GABBR2: variants seen among roughly 807,000 people sequenced by gnomAD.
GABBR2 encodes the protein G-protein coupled receptor 51.
GABBR2 carries 23 observed loss-of-function variants against 105.6 expected under a neutral mutation model. The ratio of observed to expected loss-of-function variants is 0.22; its 90% CI spans 0.16 to 0.31. GABBR2 has a LOEUF of 0.31. Among genes scored for constraint, GABBR2 ranks in the 10% least tolerant of loss-of-function variants. The pLI is 1.00. For synonymous variants in GABBR2, 478 were observed against 499.7 expected (o/e 0.96, Z 0.58); for missense variants, 734 against 1,245.5 (o/e 0.59, Z 6.18).
At chr9:98,529,880 T>A (rs1657931696) in intron 3 of GABBR2, among the ~76,000 whole-genome samples, 1 of 152,188 alleles carries the variant, frequency 6.6e-6, no homozygotes, top group African/African-American at 2.4e-5. Flanking sequence ...ATCTTCGCCA[T>A]CCTTCTTGCC....
intron 13 of GABBR2, among the ~76,000 whole-genome samples, chr9:98,316,399 G>C (rs755383260): frequency 1.3e-5 from 2 of 152,214 alleles, no homozygotes; most frequent in African/African-American, 4.8e-5. Flanking sequence ...TGGTCTGCCT[G>C]CCTCAGCCTC....
chr9:98,431,088 C>G (rs1825800336), intron 7 of GABBR2, among the ~76,000 whole-genome samples: 1 of 152,006 alleles, frequency 6.6e-6, no homozygotes, highest in South Asian at 2.1e-4. Flanking sequence ...ATCTGCTTGG[C>G]TCACTCTTAC....
intron 1 of GABBR2, among the ~76,000 whole-genome samples, chr9:98,625,399 C>T (rs1055480685): frequency 3.9e-5 from 6 of 152,242 alleles, no homozygotes; most frequent in Non-Finnish European, 7.3e-5. Context: ...CAGCGTGGCC[C>T]AGGCCCCTGA....
At chr9:98,452,148 A>G (rs1826243592) in intron 7 of GABBR2, among the ~76,000 whole-genome samples, 2 of 152,190 alleles carry the variant, frequency 1.3e-5, no homozygotes, top group South Asian at 4.1e-4. Context: ...CGGCACCTGC[A>G]CAGGTTCCAG....
At chr9:98,575,283 G>C (rs943515828) in intron 2 of GABBR2, among the ~76,000 whole-genome samples, 3 of 152,142 alleles carry the variant, frequency 2.0e-5, no homozygotes, top group Admixed American at 6.5e-5. Flanking sequence ...TTAAAGAATG[G>C]GCAGCACTTG....
intron 11 of GABBR2, among the ~76,000 whole-genome samples, chr9:98,374,864 T>C (rs1044229603): frequency 3.0e-4 from 46 of 152,322 alleles, no homozygotes; most frequent in African/African-American, 1.1e-3. Flanking sequence ...GACTGTGTGC[T>C]GAGCCCTGAG....
chr9:98,374,555 T>C (rs1360518640), intron 11 of GABBR2, among the ~76,000 whole-genome samples: 1 of 152,234 alleles, frequency 6.6e-6, no homozygotes, highest in African/African-American at 2.4e-5. Context: ...TGCTGAACAC[T>C]GCCTTCCTTC....
chr9:98,375,511 C>T (rs1284879207), intron 11 of GABBR2, among the ~76,000 whole-genome samples: 1 of 152,170 alleles, frequency 6.6e-6, no homozygotes, highest in Non-Finnish European at 1.5e-5. Context: ...TCTCTGGAGC[C>T]AAGAGGAGAC....
chr9:98,580,787 C>G (rs57456685), intron 1 of GABBR2, among the ~76,000 whole-genome samples: 16,196 of 152,080 alleles, frequency 0.11, 1,202 homozygotes, highest in African/African-American at 0.22. Context: ...CATCTCAAAA[C>G]AAAACAAACA....
At chr9:98,612,869 G>T (rs1829524955) in intron 1 of GABBR2, among the ~76,000 whole-genome samples, 1 of 152,148 alleles carries the variant, frequency 6.6e-6, no homozygotes, top group East Asian at 1.9e-4. Context: ...GGGGGCCAGA[G>T]CCACAATCAA....
intron 1 of GABBR2, among the ~76,000 whole-genome samples, chr9:98,683,038 C>G (rs1588281940): frequency 6.6e-6 from 1 of 152,318 alleles, no homozygotes; most frequent in East Asian, 1.9e-4. Context: ...GCTTCATCCC[C>G]TCTATGCCAC....
At chr9:98,299,968 T>G (rs905999729) in intron 16 of GABBR2, among the ~76,000 whole-genome samples, 16 of 151,864 alleles carry the variant, frequency 1.1e-4, no homozygotes, top group African/African-American at 3.9e-4. Flanking sequence ...GCTCAAGCAA[T>G]CCTCCTGTCT....
chr9:98,299,758 G>C (rs1044925866), intron 16 of GABBR2, among the ~76,000 whole-genome samples: 1 of 152,154 alleles, frequency 6.6e-6, no homozygotes, highest in Non-Finnish European at 1.5e-5. Context: ...CTGTAGAATG[G>C]GGTAATAATA....
intron 13 of GABBR2, among the ~76,000 whole-genome samples, chr9:98,354,084 C>T (rs1326339960): frequency 1.3e-5 from 2 of 152,206 alleles, no homozygotes; most frequent in Non-Finnish European, 2.9e-5. Flanking sequence ...CAGACTAATA[C>T]ACCAGGTACA....
At chr9:98,328,110 A>G (rs1387279479) in intron 13 of GABBR2, among the ~76,000 whole-genome samples, 2 of 151,444 alleles carry the variant, frequency 1.3e-5, no homozygotes, top group African/African-American at 4.9e-5. Flanking sequence ...GTCACATTTA[A>G]GGTCCTCCCA....
chr9:98,462,210 A>AT (rs1826436106), intron 6 of GABBR2, among the ~76,000 whole-genome samples: 4 of 152,302 alleles, frequency 2.6e-5, no homozygotes, highest in African/African-American at 9.6e-5. Flanking sequence ...TGTGTCTCAT[A>AT]TGTTCATTTC....
intron 13 of GABBR2, among the ~76,000 whole-genome samples, chr9:98,354,871 A>G (rs1831458938): frequency 1.3e-5 from 2 of 152,208 alleles, no homozygotes; most frequent in Admixed American, 6.5e-5. Flanking sequence ...TGCATTCAAA[A>G]CCTGACTGTT....
chr9:98,523,177 A>G (rs1827898540), intron 3 of GABBR2, among the ~76,000 whole-genome samples: 1 of 152,244 alleles, frequency 6.6e-6, no homozygotes, highest in African/African-American at 2.4e-5. Context: ...TAAATATGCA[A>G]ATTAAGAAAT....
At chr9:98,301,016 G>A (rs1262402818) in intron 16 of GABBR2, among the ~76,000 whole-genome samples, 5 of 152,214 alleles carry the variant, frequency 3.3e-5, no homozygotes, top group Non-Finnish European at 7.3e-5. Flanking sequence ...GGGGCCCAGG[G>A]AGGCAGGGAA....
Sources: gnomAD v4.1 joint callset for allele counts (sites outside exome capture counted in the v4.1 genomes callset) on GRCh38, gnomAD v4.1.1 for gene constraint, MANE v1.5 for transcripts, NCBI Gene and HGNC (gene_info 2026-07-23, HGNC 2026-07-21) for gene names.